The following ERBB4 variants were observed in gnomAD, a reference collection of about 807,000 sequenced individuals.
The protein encoded by ERBB4 is erb-b2 receptor tyrosine kinase 4.
Under a neutral mutation model 158.0 loss-of-function variants are expected in ERBB4, and 42 were observed. That is an observed-to-expected ratio of 0.27 (90% CI 0.21 to 0.34). The LOEUF is 0.34. Ranked by LOEUF, ERBB4 falls within the 10% of genes least tolerant of loss-of-function variation. The pLI is 1.00. For synonymous variants in ERBB4, 583 were observed against 558.7 expected, an observed-to-expected ratio of 1.04 and a Z score of -0.61; for missense variants, 1,333 against 1,624.1, an observed-to-expected ratio of 0.82 and a Z score of 3.08.
chr2:212,190,184 C>T (rs1219725067), intron 1 of ERBB4, among the ~76,000 whole-genome samples: 1 of 152,146 alleles, frequency 6.6e-6, no homozygotes, highest in Non-Finnish European at 1.5e-5. Flanking sequence ...ACTGAGTCAG[C>T]ATTATCACTA....
intron 3 of ERBB4, among the ~76,000 whole-genome samples, chr2:211,936,298 CT>C (rs978236854): frequency 6.6e-6 from 1 of 151,376 alleles, no homozygotes; most frequent in Non-Finnish European, 1.5e-5. Context: ...CAAAAATACC[CT>C]TTTTATATCA....
At chr2:211,873,206 C>T (rs1375072426) in intron 3 of ERBB4, among the ~76,000 whole-genome samples, 3 of 152,344 alleles carry the variant, frequency 2.0e-5, no homozygotes, top group South Asian at 2.1e-4. Flanking sequence ...CATCTCTCAG[C>T]ATCACAGAGT....
intron 4 of ERBB4, among the ~76,000 whole-genome samples, chr2:211,768,788 GAGGGTTGCCATGA>G (rs2075620652): frequency 1.4e-5 from 2 of 143,170 alleles, no homozygotes; most frequent in African/African-American, 2.5e-5. Context: ...CTTGTGATGC[GAGGGTTGCCATGA>G]AGACCTCTGA....
At chr2:211,400,017 A>G (rs554264100) in intron 25 of ERBB4, among the ~76,000 whole-genome samples, 1 of 152,298 alleles carries the variant, frequency 6.6e-6, no homozygotes, top group South Asian at 2.1e-4. Flanking sequence ...TCATGGCTAA[A>G]TGCTACAGAA....
chr2:211,439,574 A>C (rs1397163860), intron 20 of ERBB4, among the ~76,000 whole-genome samples: 1 of 152,162 alleles, frequency 6.6e-6, no homozygotes, highest in Non-Finnish European at 1.5e-5. Flanking sequence ...TTTTGGAATC[A>C]AGCTGCCTGC....
chr2:212,244,058 AG>A (rs2084218351), intron 1 of ERBB4, among the ~76,000 whole-genome samples: 1 of 152,106 alleles, frequency 6.6e-6, no homozygotes, highest in South Asian at 2.1e-4. Flanking sequence ...ACGATCTTCT[AG>A]GGGAGGTCCT....
At chr2:211,972,496 CA>C (rs368129238) in intron 2 of ERBB4, among the ~76,000 whole-genome samples, 22 of 152,260 alleles carry the variant, frequency 1.4e-4, no homozygotes, top group African/African-American at 5.3e-4. Flanking sequence ...TACCTGACTT[CA>C]AAGTATAGTA....
intron 1 of ERBB4, among the ~76,000 whole-genome samples, chr2:212,164,703 C>G (rs369871316): frequency 6.9e-6 from 1 of 144,094 alleles, no homozygotes. Context: ...TCCCTTTTTT[C>G]TTTCATCTCA....
intron 1 of ERBB4, among the ~76,000 whole-genome samples, chr2:212,168,002 G>A (rs1334287091): frequency 6.6e-6 from 1 of 151,610 alleles, no homozygotes; most frequent in Admixed American, 6.6e-5. Flanking sequence ...AACCACCATG[G>A]CACACGTATA....
intron 1 of ERBB4, among the ~76,000 whole-genome samples, chr2:212,425,242 T>G (rs1265447802): frequency 6.7e-6 from 1 of 148,228 alleles, no homozygotes; most frequent in Non-Finnish European, 1.5e-5. Flanking sequence ...ATTAAAAAAA[T>G]TATTTAGAAC....
intron 25 of ERBB4, among the ~76,000 whole-genome samples, chr2:211,406,755 A>G (rs146831771): frequency 9.2e-5 from 14 of 152,242 alleles, no homozygotes; most frequent in African/African-American, 3.4e-4. Flanking sequence ...AAAATAGTAA[A>G]TACTAAAATA....
At chr2:212,480,106 T>C (rs1689611952) in intron 1 of ERBB4, among the ~76,000 whole-genome samples, 1 of 152,174 alleles carries the variant, frequency 6.6e-6, no homozygotes, top group South Asian at 2.1e-4. Context: ...CAACTCTGTC[T>C]CTAGGCAAGT....
chr2:211,432,853 A>T (rs1490939599), intron 20 of ERBB4, among the ~76,000 whole-genome samples: 2 of 152,234 alleles, frequency 1.3e-5, no homozygotes, highest in Non-Finnish European at 2.9e-5. Flanking sequence ...GGAGAACAGA[A>T]GCTAATTAAT....
chr2:212,366,607 T>A (rs1327578204), intron 1 of ERBB4, among the ~76,000 whole-genome samples: 1 of 151,958 alleles, frequency 6.6e-6, no homozygotes, highest in Non-Finnish European at 1.5e-5. Context: ...TATTTCCAGG[T>A]GATTTTCTCA....
chr2:211,492,065 C>T (rs890180089), intron 20 of ERBB4, among the ~76,000 whole-genome samples: 1 of 131,408 alleles, frequency 7.6e-6, no homozygotes, highest in African/African-American at 3.1e-5. Flanking sequence ...GCAAACTCAC[C>T]TTAAGAAAAA....
intron 2 of ERBB4, among the ~76,000 whole-genome samples, chr2:212,003,253 G>GAAGT (rs1449111026): frequency 9.0e-6 from 1 of 111,194 alleles, no homozygotes; most frequent in Non-Finnish European, 2.1e-5. Flanking sequence ...AGGAAGGAAG[G>GAAGT]AAGGAAAGAG....
intron 1 of ERBB4, among the ~76,000 whole-genome samples, chr2:212,393,976 T>C (rs73060380): frequency 0.023 from 3,460 of 152,224 alleles, 147 homozygotes; most frequent in African/African-American, 0.079. Context: ...ATGCTAAATA[T>C]GGCAAAATTT....
intron 3 of ERBB4, among the ~76,000 whole-genome samples, chr2:211,921,660 G>T (rs1460701267): frequency 1.3e-5 from 2 of 152,036 alleles, no homozygotes; most frequent in East Asian, 3.9e-4. Context: ...TAGAGTGACT[G>T]GTTGAAGGCA....
intron 2 of ERBB4, among the ~76,000 whole-genome samples, chr2:212,118,696 T>C (rs2079645459): frequency 6.6e-6 from 1 of 151,674 alleles, no homozygotes; most frequent in African/African-American, 2.4e-5. Flanking sequence ...ATAAACTATT[T>C]GCATGATTTC....
Sources: allele counts gnomAD v4.1 joint callset (sites outside exome capture counted in the v4.1 genomes callset), GRCh38; gene constraint gnomAD v4.1.1; transcripts MANE v1.5; gene names NCBI Gene and HGNC (gene_info 2026-07-23, HGNC 2026-07-21).